TEX9: variants seen among roughly 807,000 people sequenced by gnomAD.
TEX9 encodes the protein testis expressed 9.
A neutral mutation model predicts 59.6 loss-of-function variants in TEX9; 74 were observed. That is an observed-to-expected ratio of 1.24 (90% CI 1.03 to 1.51). The LOEUF is 1.51. TEX9 is among the 40% of genes most tolerant of loss of function. TEX9 has a pLI of 0.00. For synonymous variants in TEX9, 186 were observed against 152.2 expected (o/e 1.22, Z -1.64); for missense variants, 522 against 447.8 (o/e 1.17, Z -1.49).
chr15:56,450,311 AGTG>A (rs2050939321), downstream of TEX9, among the ~76,000 whole-genome samples: 2 of 139,240 alleles, frequency 1.4e-5, no homozygotes, highest in South Asian at 2.2e-4. Context: ...TGTACAACTC[AGTG>A]GTGTTAATTA....
At chr15:56,408,562 GC>G (rs2049189439) in intron 9 of TEX9, 1 of 151,920 alleles carries the variant, frequency 6.6e-6, no homozygotes, top group East Asian at 1.9e-4. Flanking sequence ...CTTCCTTTCT[GC>G]CCACTTGATA....
At chr15:56,305,735 C>G (rs1450825287) in intron 1 of TEX9, among the ~76,000 whole-genome samples, 1 of 152,132 alleles carries the variant, frequency 6.6e-6, no homozygotes, top group Non-Finnish European at 1.5e-5. Flanking sequence ...GAGTAATACC[C>G]CATGAGCACA....
At chr15:56,267,354 G>T (rs1250609086) in intron 1 of TEX9, among the ~76,000 whole-genome samples, 1 of 152,078 alleles carries the variant, frequency 6.6e-6, no homozygotes, top group Admixed American at 6.5e-5. Context: ...TGTCTATTTT[G>T]GATTTTCTTG....
At chr15:56,299,873 T>C (rs2045301717) in intron 1 of TEX9, among the ~76,000 whole-genome samples, 3 of 152,128 alleles carry the variant, frequency 2.0e-5, no homozygotes, top group South Asian at 4.1e-4. Context: ...CTCTGGGCCC[T>C]GAATAATCAT....
rs531367118 is a variant in TEX9, at chr15:56,371,668, A to G, written c.120-1773A>G. 1.1e-4 allele frequency among the ~76,000 whole-genome samples: 16 copies of G among 152,214 alleles called. No individual in the cohort carries two copies. The South Asian group carries it at 1.2e-3, about 12-fold the overall frequency. On this transcript the variant is annotated intron_variant, in intron 2 of 12. Coordinates refer to ENST00000352903, the Ensembl canonical transcript of TEX9. Reference sequence around the variant, plus strand: ...AGTCCTATATATTCTAGATGAGTAAATGTTCCTATAGGGTGGTTTTCAATT... The same window carrying G: ...AGTCCTATATATTCTAGATGAGTAAGTGTTCCTATAGGGTGGTTTTCAATT...
At chr15:56,271,469 A>G (rs533933609) in intron 1 of TEX9, among the ~76,000 whole-genome samples, 2 of 152,148 alleles carry the variant, frequency 1.3e-5, no homozygotes, top group East Asian at 1.9e-4. Flanking sequence ...TTCTCGTGCC[A>G]TGCTTTTCCT....
intron 1 of TEX9, among the ~76,000 whole-genome samples, chr15:56,338,245 G>A (rs1453152165): frequency 6.6e-6 from 1 of 152,194 alleles, no homozygotes; most frequent in African/African-American, 2.4e-5. Flanking sequence ...ACTGAGAAAA[G>A]CTAATCTACT....
chr15:56,401,125 A>G (rs1404111941), intron 9 of TEX9, among the ~76,000 whole-genome samples: 3 of 151,674 alleles, frequency 2.0e-5, no homozygotes, highest in African/African-American at 7.3e-5. Context: ...AGATTCACAC[A>G]TAACAATATT....
intron 1 of TEX9, among the ~76,000 whole-genome samples, chr15:56,296,529 G>A (rs1247896516): frequency 2.0e-5 from 3 of 152,144 alleles, no homozygotes; most frequent in African/African-American, 7.2e-5. Context: ...AATTATTAAT[G>A]TCTGTACTCT....
intron 1 of TEX9, among the ~76,000 whole-genome samples, chr15:56,333,141 G>A (rs2046189561): frequency 6.6e-6 from 1 of 151,988 alleles, no homozygotes; most frequent in Non-Finnish European, 1.5e-5. Context: ...AAAAATAGAG[G>A]AGAGAATACT....
At chr15:56,248,585 T>G (rs1286866507) in intron 1 of TEX9, among the ~76,000 whole-genome samples, 1 of 152,214 alleles carries the variant, frequency 6.6e-6, no homozygotes, top group Non-Finnish European at 1.5e-5. Context: ...ACTTAGAAAT[T>G]TTCCACTGTT....
At chr15:56,379,468 T>C (rs2047619767) in intron 3 of TEX9, among the ~76,000 whole-genome samples, 2 of 151,710 alleles carry the variant, frequency 1.3e-5, no homozygotes, top group Admixed American at 1.3e-4. Context: ...ACCTAACATA[T>C]GGTCTGTCCT....
intron 1 of TEX9, among the ~76,000 whole-genome samples, chr15:56,355,418 C>A (rs1248083698): frequency 6.6e-6 from 1 of 152,116 alleles, no homozygotes; most frequent in African/African-American, 2.4e-5. Context: ...TTCTCCATTT[C>A]ATTTTATTAA....
chr15:56,415,055 T>A (rs2049602763), intron 10 of TEX9, among the ~76,000 whole-genome samples: 1 of 151,824 alleles, frequency 6.6e-6, no homozygotes, highest in Non-Finnish European at 1.5e-5. Flanking sequence ...ACGTGTCTGT[T>A]CTTGTTCTTT....
At position 56,271,463 on chromosome 15, in the gene TEX9, C is replaced by T. The variant is rs140175084; in HGVS notation, c.-107+27185C>T. ...GCTTGTGCATGCGTCACGTAGTTCT[C>T]GTGCCATGCTTTTCCTCTCAAGATG... On this transcript the variant is annotated intron_variant, in intron 1 of 5. Transcript: ENST00000560827. 4.0e-4 allele frequency among the ~76,000 whole-genome samples: 61 copies of T among 152,218 alleles called. 1 individual carries two copies. Among genetic ancestry groups the T allele is most frequent in the African/African-American group, 1.1e-3 (47 of 41,536 alleles).
exon 11 of TEX9, chr15:56,427,645 A>C: frequency 6.4e-7 from 1 of 1,551,866 alleles, no homozygotes; most frequent in Non-Finnish European, 8.7e-7. Context: ...GAAGTGTTAA[A>C]ATCAGAAAAC....
chr15:56,304,813 C>G (rs1189539320), intron 1 of TEX9, among the ~76,000 whole-genome samples: 1 of 152,142 alleles, frequency 6.6e-6, no homozygotes, highest in Non-Finnish European at 1.5e-5. Context: ...TCCTCATACT[C>G]CTGGGCTCAA....
chr15:56,367,498 A>G (rs573645125), intron 2 of TEX9, among the ~76,000 whole-genome samples: 131 of 152,332 alleles, frequency 8.6e-4, no homozygotes, highest in Non-Finnish European at 1.4e-3. Flanking sequence ...GGATAGACTA[A>G]GGAAGATGCT....
intron 1 of TEX9, among the ~76,000 whole-genome samples, chr15:56,326,784 A>G (rs2046027953): frequency 7.0e-6 from 1 of 142,564 alleles, no homozygotes; most frequent in African/African-American, 2.4e-5. Context: ...CACCATTTTC[A>G]TCTCACTCAC....
Sources: gnomAD v4.1 joint callset for allele counts (sites outside exome capture counted in the v4.1 genomes callset) on GRCh38, gnomAD v4.1.1 for gene constraint, MANE v1.5 for transcripts, NCBI Gene and HGNC (gene_info 2026-07-23, HGNC 2026-07-21) for gene names.